The following ARHGAP32 variants were observed in gnomAD, a reference collection of about 807,000 sequenced individuals.
The protein encoded by ARHGAP32 is Rho GTPase activating protein 32.
In ARHGAP32, 51 loss-of-function variants were observed where a neutral mutation model predicts 186.5. The ratio of observed to expected loss-of-function variants is 0.27; its 90% CI spans 0.22 to 0.35. The LOEUF (loss-of-function observed/expected upper bound fraction) is 0.35, where lower values mean the gene tolerates loss of function less well. Among genes scored for constraint, ARHGAP32 ranks in the 10% least tolerant of loss-of-function variants. The pLI is 1.00. For synonymous variants in ARHGAP32, 950 were observed against 964.3 expected (o/e 0.99, Z 0.27); for missense variants, 2,186 against 2,623.5 (o/e 0.83, Z 3.64).
chr11:129,091,669 G>A (rs1941581497), intron 6 of ARHGAP32, among the ~76,000 whole-genome samples: 1 of 152,058 alleles, frequency 6.6e-6, no homozygotes. Flanking sequence ...AGTGTATAAT[G>A]GTGGTCTTAT....
At chr11:129,245,699 A>G (rs957083002) in intron 1 of ARHGAP32, among the ~76,000 whole-genome samples, 6 of 133,704 alleles carry the variant, frequency 4.5e-5, no homozygotes, top group South Asian at 2.3e-4. Context: ...TAATAATAAT[A>G]ATGTATGAAG....
chr11:129,271,378 G>A (rs1472278593), intron 1 of ARHGAP32, among the ~76,000 whole-genome samples: 1 of 152,088 alleles, frequency 6.6e-6, no homozygotes, highest in Non-Finnish European at 1.5e-5. Flanking sequence ...AAGAAATCAA[G>A]GAGGAGGAAG....
At chr11:129,025,169 T>C (rs1013747515) in intron 11 of ARHGAP32, among the ~76,000 whole-genome samples, 5 of 152,166 alleles carry the variant, frequency 3.3e-5, no homozygotes, top group African/African-American at 1.2e-4. Context: ...GCAGTTCTAT[T>C]ATTATCTCAT....
intron 1 of ARHGAP32, among the ~76,000 whole-genome samples, chr11:129,278,995 G>C (rs940066174): frequency 6.8e-6 from 1 of 146,304 alleles, no homozygotes; most frequent in Non-Finnish European, 1.5e-5. Context: ...GGGGCGGGGG[G>C]ACAACCGAGA....
At chr11:129,210,109 T>C (rs1319866727) in intron 1 of ARHGAP32, among the ~76,000 whole-genome samples, 2 of 152,148 alleles carry the variant, frequency 1.3e-5, no homozygotes, top group Admixed American at 1.3e-4. Context: ...CAGATGTCTA[T>C]GACAATAAAG....
intron 1 of ARHGAP32, among the ~76,000 whole-genome samples, chr11:129,225,545 G>T (rs1259124435): frequency 6.6e-6 from 1 of 151,832 alleles, no homozygotes; most frequent in African/African-American, 2.4e-5. Flanking sequence ...GACTTCTGTG[G>T]CCATGCACAG....
chr11:129,129,950 C>T (rs1034813273), intron 2 of ARHGAP32, among the ~76,000 whole-genome samples: 1 of 152,152 alleles, frequency 6.6e-6, no homozygotes, highest in Non-Finnish European at 1.5e-5. Flanking sequence ...AACTTATATT[C>T]TCTATCTTCA....
intron 1 of ARHGAP32, among the ~76,000 whole-genome samples, chr11:129,240,935 A>G (rs1165977214): frequency 2.0e-5 from 3 of 152,258 alleles, no homozygotes; most frequent in African/African-American, 7.2e-5. Flanking sequence ...CTGGGAATCC[A>G]AAAGAGAGGA....
intron 11 of ARHGAP32, among the ~76,000 whole-genome samples, chr11:129,016,150 T>C (rs1938327758): frequency 2.0e-5 from 3 of 152,218 alleles, no homozygotes; most frequent in South Asian, 2.1e-4. Context: ...TTTTCATATG[T>C]TTCATATGGC....
chr11:129,167,567 C>T (rs1038461166), intron 1 of ARHGAP32, among the ~76,000 whole-genome samples: 10 of 152,054 alleles, frequency 6.6e-5, no homozygotes, highest in Middle Eastern at 3.2e-3. Flanking sequence ...TTCATGCTAC[C>T]ACAGGGATAA....
At chr11:129,190,086 TA>T (rs1373515799) in intron 1 of ARHGAP32, among the ~76,000 whole-genome samples, 1 of 152,348 alleles carries the variant, frequency 6.6e-6, no homozygotes, top group East Asian at 1.9e-4. Flanking sequence ...GAGATTTTTA[TA>T]AAAACACAGT....
chr11:129,007,380 C>T (rs1206606572), intron 11 of ARHGAP32, among the ~76,000 whole-genome samples: 1 of 152,036 alleles, frequency 6.6e-6, no homozygotes, highest in Admixed American at 6.5e-5. Flanking sequence ...TGGCATACTA[C>T]CCAGGTATCA....
chr11:129,043,045 G>A (rs929540283), intron 10 of ARHGAP32, among the ~76,000 whole-genome samples: 18 of 152,174 alleles, frequency 1.2e-4, no homozygotes, highest in African/African-American at 4.3e-4. Flanking sequence ...AGGCTGGGAA[G>A]ATACAACTAT....
chr11:128,988,041 G>A lies in ARHGAP32; in HGVS notation c.1280C>T (p.Ser427Phe), dbSNP rs371107944. 1.2e-6 allele frequency: 2 copies of A among 1,612,244 alleles called. No homozygotes were observed. Among genetic ancestry groups the A allele is most frequent in the African/African-American group, 2.7e-5 (2 of 74,870 alleles). ...ATTTTACCGTAGTCTCTGGATATTGGAGGCAACACCAGAAAGGCGATAGAT... is the reference window on the plus strand; with the variant it reads ...ATTTTACCGTAGTCTCTGGATATTGAAGGCAACACCAGAAAGGCGATAGAT... ...DGIYRLSGVA[S>F]NIQRLRHEFD... Residue 427 changes from serine (S) to phenylalanine (F), a missense_variant, in exon 13 of 23, where the codon TCC becomes TTC. By Grantham distance (155) the Ser-to-Phe change is radical. Around this residue, in one of 5 missense-constraint regions of ARHGAP32, gnomAD observed 308 missense variants for 596.5 expected, o/e 0.52. Transcript: ENST00000682385.
In ARHGAP32 at chr11:129,064,888, T is replaced by C. The variant is rs764660671; in HGVS notation, c.715A>G (p.Ile239Val). Reference sequence around the variant, plus strand: ...CCACAGTTGATCTTGTTGCCAGCGATAGCTGAAAGGCGTGACAGGTAAGCC... The same window carrying C: ...CCACAGTTGATCTTGTTGCCAGCGACAGCTGAAAGGCGTGACAGGTAAGCC... ...LMAYLSRLSA[I>V]AGNKINCGPA... The change falls in exon 8 of 23, where the codon ATC (isoleucine) becomes GTC (valine). Residue 239 changes from isoleucine to valine, a missense_variant. This residue lies in a region of ARHGAP32 where 308 missense variants were observed against 596.5 expected (regional missense o/e 0.52). Coordinates refer to ENST00000682385, the MANE Select transcript of ARHGAP32 (RefSeq NM_001378024.1). The C allele has an allele frequency of 1.4e-5, 22 of 1,599,470 alleles. 1 individual carries two copies. The South Asian group carries it at 2.3e-4, about 17-fold the overall frequency.
chr11:129,250,699 G>C (rs1009478359), intron 1 of ARHGAP32, among the ~76,000 whole-genome samples: 1 of 152,036 alleles, frequency 6.6e-6, no homozygotes, highest in Non-Finnish European at 1.5e-5. Flanking sequence ...TCCTGTAGCA[G>C]AATTATTTCT....
At chr11:129,271,165 G>A (rs190864164) in intron 1 of ARHGAP32, among the ~76,000 whole-genome samples, 115 of 152,240 alleles carry the variant, frequency 7.6e-4, no homozygotes, top group Non-Finnish European at 1.4e-3. Context: ...CATTATTTTG[G>A]CTCCCGTGTA....
At chr11:129,267,478 A>C (rs1376238468) in intron 1 of ARHGAP32, among the ~76,000 whole-genome samples, 1 of 152,150 alleles carries the variant, frequency 6.6e-6, no homozygotes, top group Non-Finnish European at 1.5e-5. Context: ...TTTTCTATTT[A>C]TCAGTTAACT....
intron 2 of ARHGAP32, among the ~76,000 whole-genome samples, chr11:129,163,107 C>T (rs1943563677): frequency 6.6e-6 from 1 of 152,114 alleles, no homozygotes; most frequent in Non-Finnish European, 1.5e-5. Flanking sequence ...GAGAATCTAA[C>T]AGAATTCTAT....
Sources: gnomAD v4.1 joint callset for allele counts (sites outside exome capture counted in the v4.1 genomes callset) on GRCh38, gnomAD v4.1.1 for gene constraint, gnomAD v4.1.1 regional missense constraint, MANE v1.5 for transcripts, NCBI Gene and HGNC (gene_info 2026-07-23, HGNC 2026-07-21) for gene names.